GPHN: variants seen among roughly 807,000 people sequenced by gnomAD.
GPHN encodes the protein gephyrin.
GPHN carries 17 observed loss-of-function variants against 95.5 expected under a neutral mutation model. The observed-to-expected ratio is 0.18, with a 90% CI of 0.12 to 0.27. The LOEUF (loss-of-function observed/expected upper bound fraction) is 0.27. Ranked by LOEUF, GPHN falls within the 10% of genes least tolerant of loss-of-function variation. The probability of loss-of-function intolerance (pLI) is 1.00; values close to 1 mark genes in which losing one functional copy is unlikely to be tolerated. For missense variants in GPHN, 660 were observed against 978.1 expected (o/e 0.67, Z 4.34); for synonymous variants, 320 against 322.5 (o/e 0.99, Z 0.08).
In GPHN at chr14:66,884,945, G is replaced by T. The variant is rs1230943194; in HGVS notation, c.389+4912G>T. Among the ~76,000 whole-genome samples, 6 of 151,584 alleles carry T rather than the reference G, an allele frequency of 4.0e-5. 1 individual carries two copies. Among genetic ancestry groups the T allele is most frequent in the Admixed American group, 1.3e-4 (2 of 15,190 alleles). On this transcript the variant is annotated intron_variant, in intron 5 of 22. Transcript: ENST00000478722. ...CTTCAGTGACTCATCTTTCAATTCT[G>T]TAACTGTAATAAACACATGCACTGC...
chr14:67,375,281 T>TGTGTGTCA, the GPHN span, among the ~76,000 whole-genome samples: 1 of 134,788 alleles, frequency 7.4e-6, no homozygotes, highest in Non-Finnish European at 1.6e-5. Flanking sequence ...TGTGTGTGTG[T>TGTGTGTCA]GTCACAAAGT....
At chr14:66,840,244 A>G (rs914050331) in intron 4 of GPHN, among the ~76,000 whole-genome samples, 1 of 152,136 alleles carries the variant, frequency 6.6e-6, no homozygotes, top group Admixed American at 6.5e-5. Flanking sequence ...GCGCCACTGC[A>G]CTCCAGCCTG....
At chr14:67,441,041 C>A in the GPHN span, among the ~76,000 whole-genome samples, 1 of 152,122 alleles carries the variant, frequency 6.6e-6, no homozygotes, top group East Asian at 1.9e-4. Context: ...GGGATAAAAA[C>A]GGAGCATCAA....
At chr14:66,903,369 C>T (rs1258793387) in intron 5 of GPHN, among the ~76,000 whole-genome samples, 4 of 152,106 alleles carry the variant, frequency 2.6e-5, no homozygotes, top group Non-Finnish European at 4.4e-5. Context: ...TCTATTTTTA[C>T]AGTTGTTTAC....
At chr14:66,719,572 G>A (rs1319529126) in intron 2 of GPHN, among the ~76,000 whole-genome samples, 2 of 152,016 alleles carry the variant, frequency 1.3e-5, no homozygotes, top group Non-Finnish European at 2.9e-5. Context: ...TCCTGCAGTC[G>A]TTCTGTAGCC....
the GPHN span, among the ~76,000 whole-genome samples, chr14:67,240,376 A>G: frequency 6.6e-6 from 1 of 152,192 alleles, no homozygotes; most frequent in Non-Finnish European, 1.5e-5. Flanking sequence ...ATGGAAAAAC[A>G]CCGTGGGACA....
the GPHN span, among the ~76,000 whole-genome samples, chr14:67,576,690 C>T: frequency 6.6e-6 from 1 of 152,212 alleles, no homozygotes; most frequent in Non-Finnish European, 1.5e-5. This position sits in a 1 kb window ranked among gnomAD's most constrained non-coding sequence, Gnocchi z 4.0. Flanking sequence ...GGTGACCACT[C>T]TGCATCTGGG....
chr14:67,374,535 A>G, the GPHN span: 1 of 1,607,400 alleles, frequency 6.2e-7, no homozygotes, highest in Middle Eastern at 1.7e-4. Flanking sequence ...ACAAATTCAC[A>G]AAATCCAAAA....
intron 16 of GPHN, among the ~76,000 whole-genome samples, chr14:67,118,246 T>C (rs1179651637): frequency 6.6e-6 from 1 of 152,142 alleles, no homozygotes; most frequent in Non-Finnish European, 1.5e-5. Flanking sequence ...CTGGCTTAAA[T>C]AGCATCTTCA....
chr14:67,338,708 G>C, the GPHN span: 2 of 1,613,624 alleles, frequency 1.2e-6, no homozygotes, highest in Admixed American at 3.3e-5. Flanking sequence ...TTTGCTCCAA[G>C]TCCTTCTCAG....
At chr14:66,689,575 T>C (rs1466747215) in intron 2 of GPHN, among the ~76,000 whole-genome samples, 1 of 152,218 alleles carries the variant, frequency 6.6e-6, no homozygotes, top group Non-Finnish European at 1.5e-5. Context: ...AGAATGAGTT[T>C]TGAAGAATTG....
At chr14:66,972,267 C>CA (rs892888405) in intron 9 of GPHN, among the ~76,000 whole-genome samples, 1,384 of 45,612 alleles carry the variant, frequency 0.03, 18 homozygotes, top group African/African-American at 0.051. Context: ...GAGTCTGTCT[C>CA]AAAAAAAAAA....
intron 2 of GPHN, among the ~76,000 whole-genome samples, chr14:66,701,644 G>A (rs1053191542): frequency 5.3e-5 from 8 of 152,280 alleles, no homozygotes; most frequent in African/African-American, 1.4e-4. Context: ...CTTTTTCCAC[G>A]GAACTGTGCC....
the GPHN span, among the ~76,000 whole-genome samples, chr14:67,371,023 T>A: frequency 6.6e-6 from 1 of 151,650 alleles, no homozygotes; most frequent in Admixed American, 6.6e-5. Context: ...AGACCCTGTC[T>A]CAAAAAAAAG....
At chr14:67,682,021 G>A in the GPHN span, among the ~76,000 whole-genome samples, 20 of 152,014 alleles carry the variant, frequency 1.3e-4, no homozygotes, top group Non-Finnish European at 2.8e-4. Context: ...ACCATGTGAT[G>A]CCCTCTGCCA....
the GPHN span, among the ~76,000 whole-genome samples, chr14:67,439,463 C>G: frequency 5.3e-5 from 8 of 152,170 alleles, no homozygotes; most frequent in Non-Finnish European, 1.5e-5. Context: ...GGAAAAGGTG[C>G]AAGGTTGAAA....
chr14:67,365,041 C>A, the GPHN span: 1 of 1,537,056 alleles, frequency 6.5e-7, no homozygotes, highest in South Asian at 1.3e-5. Context: ...ATATAAATTT[C>A]AGATTTAAAA....
intron 16 of GPHN, among the ~76,000 whole-genome samples, chr14:67,115,424 T>C (rs952691808): frequency 1.3e-5 from 2 of 152,196 alleles, no homozygotes; most frequent in Non-Finnish European, 2.9e-5. Flanking sequence ...GTATTGGTTT[T>C]AGTTTCCTTT....
chr14:67,558,951 G>T, the GPHN span, among the ~76,000 whole-genome samples: 1 of 152,240 alleles, frequency 6.6e-6, no homozygotes, highest in Non-Finnish European at 1.5e-5. Flanking sequence ...AGGTCTGGGT[G>T]GGGGCAAGCA....
Sources: gnomAD v4.1 joint callset for allele counts (sites outside exome capture counted in the v4.1 genomes callset) on GRCh38, gnomAD v4.1.1 for gene constraint, Gnocchi (gnomAD v3.1) non-coding constraint, MANE v1.5 for transcripts, NCBI Gene and HGNC (gene_info 2026-07-23, HGNC 2026-07-21) for gene names.